DIAPH2: variants seen among roughly 807,000 people sequenced by gnomAD.
DIAPH2 encodes the protein diaphanous related formin 2.
In DIAPH2, 35 loss-of-function variants were observed where a neutral mutation model predicts 92.7. The ratio of observed to expected loss-of-function variants is 0.38; its 90% CI spans 0.29 to 0.50. The LOEUF is 0.50. Ranked by LOEUF, DIAPH2 falls within the 20% of genes least tolerant of loss-of-function variation. The pLI is 0.94. For synonymous variants in DIAPH2, 301 were observed against 280.4 expected (o/e 1.07, Z -0.73); for missense variants, 701 against 819.5 (o/e 0.86, Z 1.77).
In DIAPH2 at chrX:97,599,427, A is replaced by G. The variant is rs20384; in HGVS notation, c.*110A>G. 26,044 of 467,069 alleles carry G rather than the reference A, an allele frequency of 0.056. 731 individuals carry two copies. The highest frequency in any genetic ancestry group is 0.071 in the Non-Finnish European group (19,696 of 276,162). The allele number at this position is 467,069 out of a possible 1,213,427, so 38.5% of individuals were successfully genotyped here. A position where few individuals can be genotyped will look rare whatever the true frequency, so the allele number is the denominator to read the frequency against. On this transcript the variant is annotated 3_prime_UTR_variant, in exon 27 of 27. Transcript: ENST00000324765. The stretch of plus-strand genomic sequence containing the variant: ...GGAAAGGAAATAAGTGCATTTCTGC[A>G]AAGATCAAGATAAGCTGGATGAAGT...
intron 4 of DIAPH2, among the ~76,000 whole-genome samples, chrX:96,869,430 C>T (rs754611683): frequency 1.8e-5 from 2 of 110,188 alleles, no homozygotes; most frequent in East Asian, 2.9e-4. Context: ...GGCGTGGTGG[C>T]GCACGCCTGG....
At chrX:97,153,248 G>A (rs1336622963) in intron 22 of DIAPH2, among the ~76,000 whole-genome samples, 3 of 111,539 alleles carry the variant, frequency 2.7e-5, no homozygotes, top group African/African-American at 9.8e-5. Flanking sequence ...ATTAATTCCA[G>A]TTGATTTTGA....
chrX:97,441,397 G>C (rs1450370238), intron 26 of DIAPH2, among the ~76,000 whole-genome samples: 2 of 111,434 alleles, frequency 1.8e-5, no homozygotes, highest in Non-Finnish European at 3.8e-5. Flanking sequence ...AGTGCTATTA[G>C]AGACCACTTA....
rs1026870713 is a variant in DIAPH2, at chrX:96,921,195, G to A, written c.978+2578G>A. On this transcript the variant is annotated intron_variant, in intron 9 of 26. Coordinates refer to ENST00000324765, the MANE Select transcript of DIAPH2 (RefSeq NM_006729.5). ...CTATATACATTTTCCCCCCTTTTTG[G>A]GGTTTTAAAAAAGGTTATTAACTTC... is the stretch of plus-strand genomic sequence containing the variant. Among the ~76,000 whole-genome samples the A allele has an allele frequency of 2.7e-5, 3 of 110,683 alleles. No individual in the cohort carries two copies. The South Asian group carries it at 1.1e-3, about 42-fold the overall frequency.
At chrX:97,431,948 T>G (rs2070130999) in intron 26 of DIAPH2, among the ~76,000 whole-genome samples, 1 of 112,084 alleles carries the variant, frequency 8.9e-6, no homozygotes, top group African/African-American at 3.2e-5. Flanking sequence ...TTTTACTTTC[T>G]TAGGCACCTG....
At chrX:97,205,319 A>G (rs1269858048) in intron 22 of DIAPH2, among the ~76,000 whole-genome samples, 5 of 112,128 alleles carry the variant, frequency 4.5e-5, no homozygotes, top group Non-Finnish European at 5.6e-5. Flanking sequence ...GCCAAAATTG[A>G]CAAATGGGAT....
chrX:96,711,568 A>G (rs1420855148), intron 1 of DIAPH2, among the ~76,000 whole-genome samples: 2 of 111,050 alleles, frequency 1.8e-5, no homozygotes, highest in African/African-American at 6.5e-5. Context: ...TAGATGCTGG[A>G]TGTCCTTTGT....
intron 18 of DIAPH2, among the ~76,000 whole-genome samples, chrX:97,074,104 T>C (rs183140053): frequency 1.9e-4 from 21 of 112,221 alleles, no homozygotes; most frequent in Middle Eastern, 4.6e-3. Context: ...ACAAAATTCT[T>C]AGAAGTGTTC....
At position 96,684,999 on chromosome X, in the gene DIAPH2, G is replaced by A; in HGVS notation, c.-60G>A. The A allele has an allele frequency of 1.1e-6, 1 of 952,343 alleles. No individual in the cohort carries two copies. The highest frequency in any genetic ancestry group is 1.3e-6 in the Non-Finnish European group (1 of 757,442). 78.5% of individuals were successfully genotyped at this position (952,343 alleles called of 1,213,427 possible). A position where few individuals can be genotyped will look rare whatever the true frequency, so the allele number is the denominator to read the frequency against. On this transcript the variant is annotated 5_prime_UTR_variant, in exon 1 of 27. The change creates a new upstream start codon in the 5' untranslated region. Transcript: ENST00000324765. The stretch of plus-strand genomic sequence containing the variant: ...CGCGGGGCAGTGTGAGCGCCCCGAG[G>A]TGCTTTCTCAGTTGAGGAGAGGTGG...
chrX:96,922,418 A>G (rs2065552117), intron 9 of DIAPH2, among the ~76,000 whole-genome samples: 1 of 110,924 alleles, frequency 9.0e-6, no homozygotes, highest in African/African-American at 3.3e-5. Context: ...GTCTTATTAC[A>G]AAGTATAGTA....
In DIAPH2 at chrX:97,106,801, G is replaced by A. The variant is rs188726596; in HGVS notation, c.2349+7006G>A. 1.0e-3 allele frequency among the ~76,000 whole-genome samples: 115 copies of A among 111,373 alleles called. 1 individual carries two copies. The highest frequency in any genetic ancestry group is 5.0e-3 in the Admixed American group (53 of 10,515). ...ACAAAAATTAGCCAGGCATGGTGGC[G>A]GGTGCCTGTAATTCCAGTTACTCAG... On this transcript the variant is annotated intron_variant, in intron 20 of 26. Transcript: ENST00000324765.
chrX:96,730,766 A>C (rs1408918429), intron 1 of DIAPH2, among the ~76,000 whole-genome samples: 1 of 111,568 alleles, frequency 9.0e-6, no homozygotes, highest in African/African-American at 3.3e-5. Context: ...CCCAGTGCCC[A>C]GTACTGAACA....
intron 23 of DIAPH2, among the ~76,000 whole-genome samples, chrX:97,264,948 A>T (rs2068323466): frequency 9.0e-6 from 1 of 111,397 alleles, no homozygotes; most frequent in Non-Finnish European, 1.9e-5. Flanking sequence ...ACACCACTGC[A>T]TTCCAGCCTG....
chrX:96,763,789 C>A (rs957607607), intron 4 of DIAPH2, among the ~76,000 whole-genome samples: 2 of 110,993 alleles, frequency 1.8e-5, no homozygotes, highest in Non-Finnish European at 3.8e-5. Flanking sequence ...CAAAGTGGCC[C>A]GTACTGTGAT....
intron 1 of DIAPH2, among the ~76,000 whole-genome samples, chrX:96,712,794 C>T (rs1461691264): frequency 9.0e-6 from 1 of 111,562 alleles, no homozygotes; most frequent in African/African-American, 3.3e-5. Context: ...CCTCTGGTCA[C>T]TTTCTGATCA....
chrX:97,499,104 G>A (rs1394269570), intron 26 of DIAPH2, among the ~76,000 whole-genome samples: 3 of 112,079 alleles, frequency 2.7e-5, no homozygotes, highest in East Asian at 2.8e-4. Flanking sequence ...CAAGGAGAAG[G>A]TGAATTATTC....
chrX:96,837,431 C>CTGTGTGTG (rs1311423042), intron 4 of DIAPH2, among the ~76,000 whole-genome samples: 4 of 36,502 alleles, frequency 1.1e-4, no homozygotes, highest in African/African-American at 2.7e-4. Context: ...CTCTCTCTCT[C>CTGTGTGTG]TCTGTGTGTG....
intron 23 of DIAPH2, among the ~76,000 whole-genome samples, chrX:97,342,861 G>A (rs1049111049): frequency 8.9e-6 from 1 of 112,015 alleles, no homozygotes; most frequent in Non-Finnish European, 1.9e-5. Context: ...TGAGGAAGTG[G>A]CATTTGAGCT....
intron 5 of DIAPH2, among the ~76,000 whole-genome samples, chrX:96,890,609 C>T (rs1243534874): frequency 9.0e-6 from 1 of 110,587 alleles, no homozygotes; most frequent in Non-Finnish European, 1.9e-5. Context: ...TTTGTTCAGC[C>T]CCTCGTAAAA....
Sources: gnomAD v4.1 joint callset for allele counts (sites outside exome capture counted in the v4.1 genomes callset) on GRCh38, gnomAD v4.1.1 for gene constraint, MANE v1.5 for transcripts, NCBI Gene and HGNC (gene_info 2026-07-23, HGNC 2026-07-21) for gene names.